The following ANXA4 variants were observed in gnomAD, a reference collection of about 807,000 sequenced individuals.
The protein encoded by ANXA4 is 35-beta calcimedin.
A neutral mutation model predicts 49.8 loss-of-function variants in ANXA4; 39 were observed. That is an observed-to-expected ratio of 0.78 (90% CI 0.61 to 1.02). The LOEUF is 1.02. ANXA4 is among the 50% of genes least tolerant of loss of function. The probability of loss-of-function intolerance (pLI) is 0.00; values close to 1 mark genes in which losing one functional copy is unlikely to be tolerated. For missense variants in ANXA4, 360 were observed against 410.1 expected, an observed-to-expected ratio of 0.88 and a Z score of 1.05; for synonymous variants, 134 against 152.5, an observed-to-expected ratio of 0.88 and a Z score of 0.89.
chr2:69,780,595 G>A (rs1457096429), intron 1 of ANXA4, among the ~76,000 whole-genome samples: 3 of 152,146 alleles, frequency 2.0e-5, no homozygotes, highest in Non-Finnish European at 2.9e-5. Context: ...GAGAAGAGGA[G>A]CCTTATCCAG....
chr2:69,805,374 C>T (rs544264618), intron 4 of ANXA4, among the ~76,000 whole-genome samples: 11 of 151,942 alleles, frequency 7.2e-5, no homozygotes, highest in South Asian at 2.1e-4. Context: ...GAGGCCGAGG[C>T]GAGTGGATCA....
chr2:69,668,045 A>G (rs1323798340), intron 2 of ANXA4, among the ~76,000 whole-genome samples: 3 of 152,206 alleles, frequency 2.0e-5, no homozygotes, highest in Non-Finnish European at 4.4e-5. Context: ...TGGCCTAAGT[A>G]TGTTACCAGA....
chr2:69,816,251 T>A (rs1673988344), intron 9 of ANXA4, 57 bp downstream of exon 9: 1 of 1,457,048 alleles, frequency 6.9e-7, no homozygotes, highest in Non-Finnish European at 9.6e-7. Context: ...AAAAACTATA[T>A]TGCCCATAAG....
At chr2:69,743,752 A>G (rs937846892) in intron 1 of ANXA4, among the ~76,000 whole-genome samples, 1 of 152,180 alleles carries the variant, frequency 6.6e-6, no homozygotes, top group African/African-American at 2.4e-5. Flanking sequence ...ACAGGCACAG[A>G]CACACAACTA....
intron 2 of ANXA4, among the ~76,000 whole-genome samples, chr2:69,712,887 T>C (rs1678719456): frequency 6.6e-6 from 1 of 152,230 alleles, no homozygotes; most frequent in African/African-American, 2.4e-5. Flanking sequence ...TGTGGACGCC[T>C]ACCACCATTC....
At chr2:69,721,940 G>T (rs905903350) in intron 3 of ANXA4, among the ~76,000 whole-genome samples, 15 of 152,162 alleles carry the variant, frequency 9.9e-5, no homozygotes, top group African/African-American at 3.6e-4. Context: ...GAAAGGTTTG[G>T]ATTTGAATCC....
chr2:69,781,362 C>T (rs551407055), intron 1 of ANXA4, 158 bp from the exon 2 acceptor site: 2 of 621,174 alleles, frequency 3.2e-6, no homozygotes, highest in Non-Finnish European at 5.7e-6. Flanking sequence ...CTAATTAGCC[C>T]ATTCCTTGTA....
chr2:69,665,185 T>C (rs1676888297), intron 2 of ANXA4, among the ~76,000 whole-genome samples: 1 of 152,204 alleles, frequency 6.6e-6, no homozygotes, highest in Non-Finnish European at 1.5e-5. Context: ...CATCTAGCTC[T>C]CTTGCTCGTA....
At chr2:69,654,872 A>G (rs960757413) in intron 2 of ANXA4, among the ~76,000 whole-genome samples, 1 of 152,152 alleles carries the variant, frequency 6.6e-6, no homozygotes, top group African/African-American at 2.4e-5. Context: ...AAATAACACC[A>G]CACATCTACA....
chr2:69,787,844 A>G lies in ANXA4; in HGVS notation c.10-210A>G, dbSNP rs112220972. Among the ~76,000 whole-genome samples, 464 of 152,294 alleles carry G rather than the reference A, an allele frequency of 3.0e-3. 5 individuals carry two copies. Among genetic ancestry groups the G allele is most frequent in the Middle Eastern group, 0.024 (7 of 294 alleles). On this transcript the variant is annotated intron_variant, in intron 2 of 12. Coordinates refer to ENST00000394295, the MANE Select transcript of ANXA4 (RefSeq NM_001153.5). Reference sequence around the variant, plus strand: ...CCCCTAGGCACTTTATGGAATTGTGAATTGTTGGCTTGTTTACTGTCTGCC... The same window carrying G: ...CCCCTAGGCACTTTATGGAATTGTGGATTGTTGGCTTGTTTACTGTCTGCC...
chr2:69,816,303 T>C, intron 9 of ANXA4, 109 bp downstream of exon 9: 1 of 851,602 alleles, frequency 1.2e-6, no homozygotes, highest in Non-Finnish European at 1.9e-6. Context: ...AAAGAACTGA[T>C]TGTACCCAAG....
intron 2 of ANXA4, among the ~76,000 whole-genome samples, chr2:69,709,666 AC>A (rs1678614327): frequency 6.6e-6 from 1 of 152,136 alleles, no homozygotes; most frequent in Non-Finnish European, 1.5e-5. Context: ...TAACTCTGAA[AC>A]CCATTTCAGA....
chr2:69,688,925 T>C (rs1232863784), intron 2 of ANXA4, among the ~76,000 whole-genome samples: 1 of 152,230 alleles, frequency 6.6e-6, no homozygotes, highest in Non-Finnish European at 1.5e-5. Flanking sequence ...AAATGAAATT[T>C]AGAGACCAAA....
At chr2:69,716,478 G>C (rs12614359) in intron 2 of ANXA4, among the ~76,000 whole-genome samples, 11,811 of 152,192 alleles carry the variant, frequency 0.078, 542 homozygotes, top group African/African-American at 0.12. Context: ...GAGCTGAGAT[G>C]TGCAGAGGGG....
At chr2:69,772,212 T>C (rs1219761704) in intron 1 of ANXA4, among the ~76,000 whole-genome samples, 7 of 152,210 alleles carry the variant, frequency 4.6e-5, no homozygotes, top group African/African-American at 1.7e-4. Context: ...AGTTGCTAAT[T>C]ATTTCGCCCC....
intron 1 of ANXA4, among the ~76,000 whole-genome samples, chr2:69,766,091 C>T (rs147500487): frequency 4.6e-5 from 7 of 152,310 alleles, no homozygotes; most frequent in African/African-American, 1.7e-4. Flanking sequence ...AGAGGACAGA[C>T]ACACACAGAG....
chr2:69,799,158 C>A (rs1333655925), intron 3 of ANXA4, among the ~76,000 whole-genome samples: 11 of 151,984 alleles, frequency 7.2e-5, no homozygotes, highest in Admixed American at 3.3e-4. Flanking sequence ...TATCCCATTC[C>A]CTGACCACAT....
Position 69,826,562 on chromosome 2 carries a change from A to C in ANXA4, c.*1047A>C, listed in dbSNP as rs967630287. Reference sequence around the variant, plus strand: ...CACTTTGGGAGGCCAAGGCGGGTGGATCACCTAAGGTCAGGAGTTCAAGAC... The same window carrying C: ...CACTTTGGGAGGCCAAGGCGGGTGGCTCACCTAAGGTCAGGAGTTCAAGAC... On this transcript the variant is annotated 3_prime_UTR_variant, in exon 13 of 13. Transcript: ENST00000394295. 1 of 152,194 alleles carries C rather than the reference A, an allele frequency of 6.6e-6. No homozygotes were observed. The highest frequency in any genetic ancestry group is 1.5e-5 in the Non-Finnish European group (1 of 68,028). 9.4% of individuals were successfully genotyped at this position (152,194 alleles called of 1,614,324 possible). A position where few individuals can be genotyped will look rare whatever the true frequency, so the allele number is the denominator to read the frequency against.
chr2:69,698,988 G>A (rs1325646128), intron 2 of ANXA4, among the ~76,000 whole-genome samples: 1 of 152,188 alleles, frequency 6.6e-6, no homozygotes, highest in Non-Finnish European at 1.5e-5. Context: ...AAACAACAAA[G>A]CCTGGAAAAT....
Sources: gnomAD v4.1 joint callset for allele counts (sites outside exome capture counted in the v4.1 genomes callset) on GRCh38, gnomAD v4.1.1 for gene constraint, MANE v1.5 for transcripts, NCBI Gene and HGNC (gene_info 2026-07-23, HGNC 2026-07-21) for gene names.